Variants in AGBL4 observed in about 807,000 individuals in gnomAD.
AGBL4 encodes AGBL carboxypeptidase 4, also known as cytosolic carboxypeptidase 6.
AGBL4 carries 58 observed loss-of-function variants against 66.4 expected under a neutral mutation model. That is an observed-to-expected ratio of 0.87 (90% confidence interval 0.71 to 1.09). The LOEUF (loss-of-function observed/expected upper bound fraction) is 1.09, where lower values mean the gene tolerates loss of function less well. Ranked by LOEUF, AGBL4 falls within the 50% of genes least tolerant of loss-of-function variation. The pLI, the probability that AGBL4 is intolerant of heterozygous loss-of-function variation, is 0.00. For synonymous variants in AGBL4, 234 were observed against 222.9 expected (o/e 1.05, Z -0.44); for missense variants, 579 against 631.0 (o/e 0.92, Z 0.88).
At chr1:49,567,143 A>G (rs1644227278) in intron 3 of AGBL4, among the ~76,000 whole-genome samples, 1 of 152,320 alleles carries the variant, frequency 6.6e-6, no homozygotes, top group East Asian at 1.9e-4. Flanking sequence ...TGTTAAGACC[A>G]TTGGAAAAGT....
chr1:49,674,615 C>T (rs946492765), intron 3 of AGBL4, among the ~76,000 whole-genome samples: 20 of 150,508 alleles, frequency 1.3e-4, no homozygotes, highest in African/African-American at 4.6e-4. Context: ...TTTAACCACA[C>T]GTAGTTTCAC....
chr1:49,823,083 C>T (rs116741203), intron 2 of AGBL4, among the ~76,000 whole-genome samples: 3,533 of 152,242 alleles, frequency 0.023, 49 homozygotes, highest in Non-Finnish European at 0.034. Context: ...AAGTCTAGAA[C>T]CCTGAATCAT....
At chr1:48,831,014 T>C (rs1646539058) in intron 6 of AGBL4, among the ~76,000 whole-genome samples, 1 of 152,146 alleles carries the variant, frequency 6.6e-6, no homozygotes, top group Non-Finnish European at 1.5e-5. Context: ...CAGGTAGCAA[T>C]GAGACCTGTG....
intron 4 of AGBL4, among the ~76,000 whole-genome samples, chr1:49,234,058 T>C (rs1401654936): frequency 2.0e-5 from 3 of 152,180 alleles, no homozygotes; most frequent in Non-Finnish European, 4.4e-5. Flanking sequence ...TTGAAGATGA[T>C]AGTCAGTCTG....
At chr1:49,135,442 C>G (rs1645991460) in intron 4 of AGBL4, among the ~76,000 whole-genome samples, 1 of 152,098 alleles carries the variant, frequency 6.6e-6, no homozygotes, top group Admixed American at 6.6e-5. Context: ...TAAAGACACA[C>G]ACACAGAAAT....
intron 3 of AGBL4, among the ~76,000 whole-genome samples, chr1:49,254,252 C>T (rs900604354): frequency 1.3e-5 from 2 of 151,132 alleles, no homozygotes; most frequent in Admixed American, 6.6e-5. Flanking sequence ...TGGCACGATC[C>T]TCTCATCTCA....
chr1:48,620,402 T>A (rs1645392193), intron 9 of AGBL4, among the ~76,000 whole-genome samples: 1 of 152,120 alleles, frequency 6.6e-6, no homozygotes, highest in Non-Finnish European at 1.5e-5. Context: ...TAAGCCTCCC[T>A]AGTATCTAGG....
chr1:49,401,542 T>C (rs1361769992), intron 3 of AGBL4, among the ~76,000 whole-genome samples: 1 of 152,220 alleles, frequency 6.6e-6, no homozygotes, highest in Admixed American at 6.5e-5. Flanking sequence ...TGAACAAGTA[T>C]TAATTCAACA....
At chr1:49,712,870 T>A (rs1647780275) in intron 2 of AGBL4, among the ~76,000 whole-genome samples, 1 of 151,988 alleles carries the variant, frequency 6.6e-6, no homozygotes, top group African/African-American at 2.4e-5. Context: ...AGATGAATAA[T>A]GACAGCACCT....
chr1:49,423,682 C>T lies in AGBL4; in HGVS notation c.283-177818G>A, dbSNP rs111249859. Among the ~76,000 whole-genome samples the T allele has an allele frequency of 5.3e-3, 809 of 151,866 alleles. 6 individuals carry two copies. The highest frequency in any genetic ancestry group is 0.017 in the Middle Eastern group (5 of 294). ...AAAAAATTAGCCAGGTGTGGTGGTA[C>T]ACACCTGTAGTCCCAGCTACTAGGG... is the stretch of plus-strand genomic sequence containing the variant. On this transcript the variant is annotated intron_variant, in intron 3 of 13. Coordinates refer to ENST00000371839, the MANE Select transcript of AGBL4 (RefSeq NM_032785.4).
intron 6 of AGBL4, among the ~76,000 whole-genome samples, chr1:48,845,738 T>G (rs924338674): frequency 3.3e-5 from 5 of 152,228 alleles, no homozygotes; most frequent in African/African-American, 1.2e-4. Context: ...GAGTAAATTC[T>G]GGAGCCGAAC....
rs938347284 is a variant in AGBL4 at position 49,507,181 on chromosome 1, GGA to G, written c.282+190130_282+190131del. On this transcript the variant is annotated intron_variant, in intron 3 of 13. Coordinates refer to ENST00000371839, the MANE Select transcript of AGBL4 (RefSeq NM_032785.4). ...AGAGGGAGAAACCCAGAGACAACTG[GGA>G]GAGAGAATGAATCTTAGCCATACCA... is the stretch of plus-strand genomic sequence containing the variant. 1.6e-4 allele frequency among the ~76,000 whole-genome samples: 24 copies of G among 152,090 alleles called. 1 individual carries two copies. The highest frequency in any genetic ancestry group is 7.2e-4 in the Admixed American group (11 of 15,250).
chr1:49,459,526 T>A (rs753991847), intron 3 of AGBL4, among the ~76,000 whole-genome samples: 2 of 151,674 alleles, frequency 1.3e-5, no homozygotes, highest in Non-Finnish European at 3.0e-5. Context: ...CGTTTCTAAC[T>A]GAGATTTTTT....
At chr1:49,395,596 G>A (rs1644942864) in intron 3 of AGBL4, among the ~76,000 whole-genome samples, 1 of 149,784 alleles carries the variant, frequency 6.7e-6, no homozygotes, top group Non-Finnish European at 1.5e-5. Context: ...GTGTGTCTGT[G>A]TGTGTAGTGA....
intron 3 of AGBL4, among the ~76,000 whole-genome samples, chr1:49,579,834 G>A (rs1469577819): frequency 6.6e-6 from 1 of 152,088 alleles, no homozygotes; most frequent in Non-Finnish European, 1.5e-5. Context: ...AGTCCATTTG[G>A]TCTAAAGTCC....
At chr1:49,237,172 A>G (rs1178158524) in intron 4 of AGBL4, among the ~76,000 whole-genome samples, 2 of 151,568 alleles carry the variant, frequency 1.3e-5, no homozygotes, top group Non-Finnish European at 2.9e-5. Flanking sequence ...CTGAGGCAGG[A>G]GAATGGAGTG....
chr1:49,070,443 G>T (rs1466984266), intron 4 of AGBL4, among the ~76,000 whole-genome samples: 1 of 151,842 alleles, frequency 6.6e-6, no homozygotes, highest in African/African-American at 2.4e-5. Flanking sequence ...TAGCATGAAG[G>T]GCTGTTGAAT....
Position 48,850,051 on chromosome 1 carries a change from T to C in AGBL4, c.634+17140A>G, listed in dbSNP as rs115705315. Among the ~76,000 whole-genome samples, 531 of 152,314 alleles carry C rather than the reference T, an allele frequency of 3.5e-3. 4 individuals are homozygous for C. Among genetic ancestry groups the C allele is most frequent in the African/African-American group, 0.012 (517 of 41,566 alleles). On this transcript the variant is annotated intron_variant, in intron 6 of 13. Transcript: ENST00000371839. The stretch of plus-strand genomic sequence containing the variant: ...CTTTTGGTACCACAGACTCCACATA[T>C]AGTGAGAACACTCTCCCAGCAGCCC...
chr1:49,638,855 G>A (rs756595111), intron 3 of AGBL4, among the ~76,000 whole-genome samples: 2 of 151,998 alleles, frequency 1.3e-5, no homozygotes, highest in Admixed American at 6.6e-5. Flanking sequence ...ACAAGTACTC[G>A]CCAAGAAGAT....
Sources: gnomAD v4.1 joint callset for allele counts (sites outside exome capture counted in the v4.1 genomes callset) on GRCh38, gnomAD v4.1.1 for gene constraint, MANE v1.5 for transcripts, NCBI Gene and HGNC (gene_info 2026-07-23, HGNC 2026-07-21) for gene names.